The following DLC1 variants were observed in gnomAD, a reference collection of about 807,000 sequenced individuals.
DLC1 encodes the protein DLC1 Rho GTPase activating protein, also known as rho GTPase-activating protein 7.
Under a neutral mutation model 140.3 loss-of-function variants are expected in DLC1, and 54 were observed. The ratio of observed to expected loss-of-function variants is 0.38; its 90% CI spans 0.31 to 0.48. The LOEUF is 0.48. Ranked by LOEUF, DLC1 falls within the 20% of genes least tolerant of loss-of-function variation. DLC1 has a pLI of 0.96. For missense variants in DLC1, 2,536 were observed against 1,907.0 expected, an observed-to-expected ratio of 1.33 and a Z score of -6.14; for synonymous variants, 986 against 728.1, an observed-to-expected ratio of 1.35 and a Z score of -5.70.
At position 13,296,701 on chromosome 8, in the gene DLC1, G is replaced by A. The variant is rs1011589111; in HGVS notation, c.1348+8568C>T. On this transcript the variant is annotated intron_variant, in intron 5 of 17. Coordinates refer to ENST00000276297, the MANE Select transcript of DLC1 (RefSeq NM_182643.3). Reference sequence around the variant, plus strand: ...CATGGCATGCGGGGTGACAAAAAACGAAATGGGAGGTTTCTGCTTTCAAGG... The same window carrying A: ...CATGGCATGCGGGGTGACAAAAAACAAAATGGGAGGTTTCTGCTTTCAAGG... Among the ~76,000 whole-genome samples, 34 of 151,786 alleles carry A rather than the reference G, an allele frequency of 2.2e-4. 2 individuals are homozygous for A. The highest frequency in any genetic ancestry group is 2.1e-3 in the Admixed American group (32 of 15,242).
At chr8:13,091,513 G>A in intron 13 of DLC1, 81 bp from the exon 14 acceptor site, 4 of 1,323,614 alleles carry the variant, frequency 3.0e-6, no homozygotes, top group African/African-American at 3.0e-5. Context: ...GAAACCCAAA[G>A]AAGAGAGAAA....
intron 1 of DLC1, among the ~76,000 whole-genome samples, chr8:13,563,548 G>T (rs2117387166): frequency 6.6e-6 from 1 of 152,302 alleles, no homozygotes; most frequent in East Asian, 1.9e-4. Context: ...CTTAGGAGAA[G>T]AGACTTGCTT....
At position 13,537,134 on chromosome 8, in the gene DLC1, AC is replaced by A. The variant is rs11295523; in HGVS notation, c.-125-36939del. Among the ~76,000 whole-genome samples the A allele has an allele frequency of 4.5e-3, 686 of 151,298 alleles. 3 individuals are homozygous for A. The highest frequency in any genetic ancestry group is 0.016 in the African/African-American group (644 of 41,478). ...AACCATAACAGTACATTAAAAAAAA[AC>A]CACTAGTCTGCTATTATATTAGCAG... On this transcript the variant is annotated intron_variant, in intron 1 of 1. Coordinates refer to the DLC1 transcript ENST00000631382.
chr8:13,277,948 A>T (rs927283377), intron 5 of DLC1, among the ~76,000 whole-genome samples: 1 of 152,240 alleles, frequency 6.6e-6, no homozygotes, highest in African/African-American at 2.4e-5. Context: ...ATTTTCACAT[A>T]TATCTTTAAC....
intron 5 of DLC1, among the ~76,000 whole-genome samples, chr8:13,263,256 A>G (rs948991003): frequency 3.1e-4 from 47 of 152,300 alleles, no homozygotes; most frequent in African/African-American, 1.1e-3. Flanking sequence ...GTTACTTAAT[A>G]TAAGTTACTG....
At chr8:13,449,659 G>A (rs561633032) in intron 2 of DLC1, among the ~76,000 whole-genome samples, 24 of 151,604 alleles carry the variant, frequency 1.6e-4, no homozygotes, top group Admixed American at 1.1e-3. Flanking sequence ...ATCACACACT[G>A]GGGCCTGTTG....
At chr8:13,133,251 G>A in intron 5 of DLC1, 2 of 1,365,050 alleles carry the variant, frequency 1.5e-6, no homozygotes, top group Non-Finnish European at 1.9e-6. Context: ...TGTCCTGGCT[G>A]GGAGCGAAGC....
chr8:13,372,046 G>A (rs1835754835), intron 4 of DLC1, among the ~76,000 whole-genome samples: 2 of 152,068 alleles, frequency 1.3e-5, no homozygotes, highest in Admixed American at 6.6e-5. Flanking sequence ...AAATAGATCG[G>A]GGCATCGTGC....
intron 5 of DLC1, among the ~76,000 whole-genome samples, chr8:13,254,560 C>T (rs774258800): frequency 6.6e-6 from 1 of 152,264 alleles, no homozygotes; most frequent in East Asian, 1.9e-4. Context: ...CAAGCTAATG[C>T]CACAGGGCTT....
intron 5 of DLC1, among the ~76,000 whole-genome samples, chr8:13,252,319 G>C (rs1830041301): frequency 6.6e-6 from 1 of 152,154 alleles, no homozygotes; most frequent in Admixed American, 6.6e-5. Context: ...AAAATGAGCA[G>C]CATTAGATAT....
intron 5 of DLC1, among the ~76,000 whole-genome samples, chr8:13,142,404 A>G (rs1823071845): frequency 6.6e-6 from 1 of 152,206 alleles, no homozygotes; most frequent in African/African-American, 2.4e-5. Flanking sequence ...CATCTTTTAG[A>G]CGGTTAACAA....
intron 1 of DLC1, among the ~76,000 whole-genome samples, chr8:13,599,139 G>A (rs1805779856): frequency 1.3e-5 from 2 of 151,624 alleles, no homozygotes; most frequent in Non-Finnish European, 2.9e-5. Context: ...CTGCTTATAT[G>A]GGAAGACACA....
intron 1 of DLC1, among the ~76,000 whole-genome samples, chr8:13,570,609 T>C (rs1804619077): frequency 6.6e-6 from 1 of 150,846 alleles, no homozygotes; most frequent in South Asian, 2.1e-4. Context: ...CCCATGTCCC[T>C]ACAAAGGACA....
intron 5 of DLC1, among the ~76,000 whole-genome samples, chr8:13,282,181 T>C (rs1831386936): frequency 6.6e-6 from 1 of 152,208 alleles, no homozygotes; most frequent in Admixed American, 6.5e-5. Context: ...GTATATATAA[T>C]TGGCCATTTT....
chr8:13,410,823 G>C (rs533090058), intron 2 of DLC1, among the ~76,000 whole-genome samples: 2 of 152,162 alleles, frequency 1.3e-5, no homozygotes, highest in East Asian at 3.9e-4. Flanking sequence ...GGTTTGTTTT[G>C]TTCACTGATG....
chr8:13,515,211 A>C (rs990509107), upstream of DLC1, among the ~76,000 whole-genome samples: 1 of 152,202 alleles, frequency 6.6e-6, no homozygotes, highest in Non-Finnish European at 1.5e-5. Flanking sequence ...CTCTCATTTC[A>C]AAAGATCTTT....
intron 5 of DLC1, among the ~76,000 whole-genome samples, chr8:13,127,598 T>C (rs1252090806): frequency 1.3e-5 from 2 of 152,102 alleles, no homozygotes; most frequent in African/African-American, 4.8e-5. Context: ...GTCACTTGAG[T>C]GTGAGGAGGG....
intron 2 of DLC1, among the ~76,000 whole-genome samples, chr8:13,457,961 C>A (rs531064604): frequency 6.6e-6 from 1 of 152,138 alleles, no homozygotes; most frequent in South Asian, 2.1e-4. Context: ...TTTTGAAATA[C>A]TTTATTAAAG....
chr8:13,275,006 G>A (rs777913807), intron 5 of DLC1, among the ~76,000 whole-genome samples: 1 of 152,172 alleles, frequency 6.6e-6, no homozygotes, highest in Non-Finnish European at 1.5e-5. Flanking sequence ...ATATTGGAAA[G>A]TCGTATTTCT....
Sources: allele counts gnomAD v4.1 joint callset (sites outside exome capture counted in the v4.1 genomes callset), GRCh38; gene constraint gnomAD v4.1.1; transcripts MANE v1.5; gene names NCBI Gene and HGNC (gene_info 2026-07-23, HGNC 2026-07-21).